Variants in TRPC6 observed in about 807,000 individuals in gnomAD.
TRPC6 encodes the protein short transient receptor potential channel 6.
In TRPC6, 55 loss-of-function variants were observed where a neutral mutation model predicts 90.7. The observed-to-expected ratio is 0.61, with a 90% CI of 0.49 to 0.76. TRPC6 has a LOEUF of 0.76. Ranked by LOEUF, TRPC6 falls within the 30% of genes least tolerant of loss-of-function variation. The pLI, the probability that TRPC6 is intolerant of heterozygous loss-of-function variation, is 0.00. For synonymous variants in TRPC6, 393 were observed against 393.0 expected, an observed-to-expected ratio of 1.00 and a Z score of 0.00; for missense variants, 989 against 1,122.7, an observed-to-expected ratio of 0.88 and a Z score of 1.70.
rs76256509 is a variant in TRPC6 at position 101,477,651 on chromosome 11, G to C, written c.1511-1117C>G. Among the ~76,000 whole-genome samples, 1,050 of 152,278 alleles carry C rather than the reference G, an allele frequency of 6.9e-3. 13 individuals are homozygous for C. Among genetic ancestry groups the C allele is most frequent in the African/African-American group, 0.024 (999 of 41,554 alleles). On this transcript the variant is annotated intron_variant, in intron 5 of 12. Transcript: ENST00000344327. ...ATTTCTTCTTCCATTTGTCAGCTAT[G>C]AAGTCTTTGATAAGGTATTTAAACT...
Position 101,504,067 on chromosome 11 carries a change from C to T in TRPC6, c.902G>A (p.Ser301Asn). Residue 301 changes from serine to asparagine, a missense_variant, in exon 2 of 13, where the codon AGC (serine) becomes AAC (asparagine). Transcript: ENST00000344327. Reference sequence around the variant, plus strand: ...ATTGGCCAGAACTGCCAGTTCATTGCTAAGTTCTAAAGCCGTCATGACTGG... The same window carrying T: ...ATTGGCCAGAACTGCCAGTTCATTGTTAAGTTCTAAAGCCGTCATGACTGG... ...EDPVMTALEL[S>N]NELAVLANIE... The T allele has an allele frequency of 6.2e-7, 1 of 1,614,042 alleles. No homozygotes were observed. The highest frequency in any genetic ancestry group is 8.5e-7 in the Non-Finnish European group (1 of 1,179,958).
intron 2 of TRPC6, among the ~76,000 whole-genome samples, chr11:101,502,945 A>G (rs1487453455): frequency 1.4e-5 from 2 of 147,230 alleles, no homozygotes; most frequent in African/African-American, 5.1e-5. Flanking sequence ...AGAGTATAGA[A>G]ACAAGCATTC....
rs200074836 is a variant in TRPC6, at chr11:101,583,846, G to C, written c.-343C>G. ...CGTAAGAGCGGAGAGCAAGGGAGAC[G>C]GAGCTGAAGAGTTACTATGTCAACA... On this transcript the variant is annotated 5_prime_UTR_variant, in exon 1 of 13. Transcript: ENST00000344327. 17 of 263,030 alleles carry C rather than the reference G, an allele frequency of 6.5e-5. No homozygotes were observed. Among genetic ancestry groups the C allele is most frequent in the Non-Finnish European group, 7.9e-5 (11 of 139,592 alleles). The allele number at this position is 263,030 out of a possible 1,614,324, so 16.3% of individuals were successfully genotyped here. A position where few individuals can be genotyped will look rare whatever the true frequency, so the allele number is the denominator to read the frequency against.
chr11:101,495,056 C>G (rs2136714999), intron 2 of TRPC6, among the ~76,000 whole-genome samples: 1 of 152,292 alleles, frequency 6.6e-6, no homozygotes, highest in African/African-American at 2.4e-5. Context: ...AAAAGTGAAG[C>G]TGATGGGTTA....
intron 5 of TRPC6, among the ~76,000 whole-genome samples, chr11:101,481,715 G>A (rs887310362): frequency 5.3e-5 from 8 of 152,054 alleles, no homozygotes; most frequent in Non-Finnish European, 7.4e-5. Flanking sequence ...CATCCTCCTC[G>A]CAGGGAGCAC....
intron 1 of TRPC6, among the ~76,000 whole-genome samples, chr11:101,555,612 A>C (rs1861545566): frequency 2.0e-5 from 3 of 152,196 alleles, no homozygotes; most frequent in Non-Finnish European, 4.4e-5. Context: ...ATGGTAGAAA[A>C]ACAACTTTAT....
chr11:101,544,813 G>A (rs1227051897), intron 1 of TRPC6, among the ~76,000 whole-genome samples: 1 of 151,912 alleles, frequency 6.6e-6, no homozygotes, highest in Non-Finnish European at 1.5e-5. Flanking sequence ...AACCACCATG[G>A]CACATGTATA....
At chr11:101,479,974 T>C (rs1377623032) in intron 5 of TRPC6, among the ~76,000 whole-genome samples, 3 of 152,070 alleles carry the variant, frequency 2.0e-5, no homozygotes, top group African/African-American at 7.2e-5. Flanking sequence ...AGGTTGGAAG[T>C]TTGAGACCAG....
chr11:101,482,346 T>A (rs940301415), intron 5 of TRPC6, among the ~76,000 whole-genome samples: 2 of 152,218 alleles, frequency 1.3e-5, no homozygotes, highest in Non-Finnish European at 2.9e-5. Context: ...CATGTATGAT[T>A]GATTCTAAAG....
intron 5 of TRPC6, among the ~76,000 whole-genome samples, chr11:101,477,575 C>T (rs554052308): frequency 1.3e-4 from 20 of 152,238 alleles, no homozygotes; most frequent in Admixed American, 3.3e-4. Context: ...AAAATTTTAA[C>T]GTAGTATTTA....
chr11:101,498,469 A>C (rs1565217863), intron 2 of TRPC6, among the ~76,000 whole-genome samples: 1 of 152,132 alleles, frequency 6.6e-6, no homozygotes, highest in Admixed American at 6.5e-5. Context: ...GCTTGGAACC[A>C]GCTATACATG....
Position 101,583,599 on chromosome 11 carries a change from G to T in TRPC6, c.-96C>A, listed in dbSNP as rs201997708. 1.1e-5 allele frequency: 15 copies of T among 1,337,754 alleles called. No homozygotes were observed. The highest frequency in any genetic ancestry group is 1.6e-5 in the South Asian group (1 of 60,988). 82.9% of individuals were successfully genotyped at this position (1,337,754 alleles called of 1,614,324 possible). On this transcript the variant is annotated 5_prime_UTR_variant, in exon 1 of 13. Transcript: ENST00000344327. ...GTGCGGAGGGTTCGCGTCAGCGGCC[G>T]AACTGGACCTGGGCAGACCGGTGCC...
At chr11:101,522,679 G>A (rs1220784423) in intron 1 of TRPC6, among the ~76,000 whole-genome samples, 1 of 151,964 alleles carries the variant, frequency 6.6e-6, no homozygotes, top group African/African-American at 2.4e-5. Context: ...TAAGAATGTA[G>A]GTTCTATGAA....
chr11:101,479,912 C>T (rs1859510400), intron 5 of TRPC6, among the ~76,000 whole-genome samples: 1 of 152,184 alleles, frequency 6.6e-6, no homozygotes, highest in South Asian at 2.1e-4. Context: ...GGCACGGTGG[C>T]TCACGCCTGT....
chr11:101,471,484 A>G (rs142609430), intron 8 of TRPC6, 98 bp from the exon 9 acceptor site: 1 of 1,254,362 alleles, frequency 8.0e-7, no homozygotes. Flanking sequence ...CAATGCCTAT[A>G]AACACTCTCA....
intron 1 of TRPC6, among the ~76,000 whole-genome samples, chr11:101,581,423 A>T (rs180770697): frequency 2.6e-5 from 4 of 152,360 alleles, no homozygotes; most frequent in Non-Finnish European, 5.9e-5. Context: ...CTCACTACTG[A>T]TATATAACCA....
Position 101,454,714 on chromosome 11 carries a change from A to G in TRPC6, c.2568+304T>C, listed in dbSNP as rs140534158. On this transcript the variant is annotated intron_variant, in intron 11 of 12. Transcript: ENST00000344327. ...CAAAAGCAAGCAGACTTTGTTTCTCACTGGTGGAATCTGACATGAATTTTA... is the reference window on the plus strand; with the variant it reads ...CAAAAGCAAGCAGACTTTGTTTCTCGCTGGTGGAATCTGACATGAATTTTA... Among the ~76,000 whole-genome samples the G allele has an allele frequency of 3.9e-3, 590 of 152,106 alleles. 6 individuals are homozygous for G. The highest frequency in any genetic ancestry group is 0.014 in the African/African-American group (574 of 41,532).
At chr11:101,498,221 C>T (rs1591088033) in intron 2 of TRPC6, among the ~76,000 whole-genome samples, 3 of 152,212 alleles carry the variant, frequency 2.0e-5, no homozygotes, top group Admixed American at 2.0e-4. Context: ...TTTGTGTTGC[C>T]AAAATTGTCT....
chr11:101,470,738 T>C (rs1050136779), intron 9 of TRPC6, among the ~76,000 whole-genome samples: 2 of 151,884 alleles, frequency 1.3e-5, no homozygotes, highest in Admixed American at 6.6e-5. Context: ...GTCTCCCAAA[T>C]TCTATGTGAG....
Sources: allele counts gnomAD v4.1 joint callset (sites outside exome capture counted in the v4.1 genomes callset), GRCh38; gene constraint gnomAD v4.1.1; transcripts MANE v1.5; gene names NCBI Gene and HGNC (gene_info 2026-07-23, HGNC 2026-07-21).